Variants in RP1 observed in about 807,000 individuals in gnomAD.
RP1 encodes RP1 axonemal microtubule associated.
A neutral mutation model predicts 14.8 loss-of-function variants in RP1; 16 were observed. The observed-to-expected ratio is 1.08, with a 90% CI of 0.73 to 1.65. The LOEUF is 1.65. Among genes scored for constraint, RP1 ranks in the 40% most tolerant of loss-of-function variants. The probability of loss-of-function intolerance (pLI) is 0.00; values close to 1 mark genes in which losing one functional copy is unlikely to be tolerated. For synonymous variants in RP1, 876 were observed against 883.6 expected (o/e 0.99, Z 0.15); for missense variants, 2,631 against 2,535.0 (o/e 1.04, Z -0.81).
intron 17 of RP1, among the ~76,000 whole-genome samples, chr8:54,734,374 C>T (rs1351445122): frequency 1.3e-5 from 2 of 152,112 alleles, no homozygotes; most frequent in African/African-American, 4.8e-5. Context: ...CAGAACCTTG[C>T]TGTGAGGAGA....
At chr8:54,758,750 A>G (rs1809567523) in intron 21 of RP1, among the ~76,000 whole-genome samples, 1 of 152,200 alleles carries the variant, frequency 6.6e-6, no homozygotes, top group African/African-American at 2.4e-5. Context: ...GATAAAAAGT[A>G]ATTTGCTTAT....
At chr8:54,758,979 C>G in exon 22 of RP1, 1 of 1,535,800 alleles carries the variant, frequency 6.5e-7, no homozygotes. Context: ...GGTGCTGTTG[C>G]GCTGTGAGGC....
chr8:54,799,000 T>C (rs1810638510), intron 24 of RP1, among the ~76,000 whole-genome samples: 1 of 151,994 alleles, frequency 6.6e-6, no homozygotes, highest in African/African-American at 2.4e-5. Context: ...TCAGCTTTTT[T>C]GGATTTGCTT....
chr8:54,803,678 G>A (rs1317024883), intron 24 of RP1, among the ~76,000 whole-genome samples: 1 of 152,062 alleles, frequency 6.6e-6, no homozygotes, highest in Non-Finnish European at 1.5e-5. Flanking sequence ...AAACATGTAT[G>A]CTACAATTTA....
At chr8:54,830,651 T>C (rs781649352) in intron 24 of RP1, among the ~76,000 whole-genome samples, 7 of 152,166 alleles carry the variant, frequency 4.6e-5, no homozygotes, top group Non-Finnish European at 1.0e-4. Flanking sequence ...TGATAATCTC[T>C]GCCATTTAAA....
exon 22 of RP1, chr8:54,758,973 C>G (rs967199803): frequency 6.5e-7 from 1 of 1,535,854 alleles, no homozygotes; most frequent in African/African-American, 1.4e-5. Context: ...GCAGAAGGTG[C>G]TGTTGCGCTG....
chr8:54,746,773 C>A (rs1809234006), intron 19 of RP1, among the ~76,000 whole-genome samples: 1 of 152,066 alleles, frequency 6.6e-6, no homozygotes, highest in South Asian at 2.1e-4. Context: ...GTTAAAAAAT[C>A]ACTTTTTCTC....
At chr8:54,812,404 G>T (rs1291974180) in intron 24 of RP1, among the ~76,000 whole-genome samples, 1 of 152,296 alleles carries the variant, frequency 6.6e-6, no homozygotes, top group Non-Finnish European at 1.5e-5. Context: ...GTCTCCTAAA[G>T]TGCTGGGATT....
intron 24 of RP1, among the ~76,000 whole-genome samples, chr8:54,815,997 C>A (rs560250071): frequency 6.6e-6 from 1 of 152,164 alleles, no homozygotes; most frequent in Non-Finnish European, 1.5e-5. Context: ...ACTTTCTGAG[C>A]CTTACAGATC....
intron 22 of RP1, among the ~76,000 whole-genome samples, chr8:54,764,262 A>T (rs942332540): frequency 3.9e-5 from 6 of 152,248 alleles, no homozygotes; most frequent in African/African-American, 1.2e-4. Flanking sequence ...GCCACACAGC[A>T]GGCCTACAGC....
intron 27 of RP1, among the ~76,000 whole-genome samples, chr8:54,864,798 C>T (rs1812423609): frequency 6.6e-6 from 1 of 152,156 alleles, no homozygotes; most frequent in Non-Finnish European, 1.5e-5. Context: ...GGTGATTCCC[C>T]TCCCTTACTC....
chr8:54,602,723 G>T (rs1268455502), intron 1 of RP1, among the ~76,000 whole-genome samples: 3 of 152,190 alleles, frequency 2.0e-5, no homozygotes, highest in African/African-American at 7.2e-5. Context: ...TTTAATGATT[G>T]CCATTCTAAC....
chr8:54,666,681 C>T (rs1307395984), intron 7 of RP1, among the ~76,000 whole-genome samples: 1 of 152,002 alleles, frequency 6.6e-6, no homozygotes, highest in Non-Finnish European at 1.5e-5. Context: ...GCCCTGACCC[C>T]GGGACAGCAG....
downstream of RP1, chr8:54,630,916 C>T (rs1464558232): frequency 2.8e-6 from 2 of 707,028 alleles, no homozygotes; most frequent in African/African-American, 3.9e-5. Flanking sequence ...TAGTGTTTTT[C>T]TAATAGACTA....
exon 4 of RP1, chr8:54,649,057 T>A (rs1453093408): frequency 6.5e-7 from 1 of 1,532,732 alleles, no homozygotes. Flanking sequence ...ATTTATATTA[T>A]TCTGTATGGA....
chr8:54,653,605 T>A (rs928901625), intron 5 of RP1, among the ~76,000 whole-genome samples: 8 of 152,164 alleles, frequency 5.3e-5, no homozygotes, highest in Non-Finnish European at 1.0e-4. Context: ...TTAAAAACAT[T>A]AAAAAATTCC....
intron 1 of RP1, among the ~76,000 whole-genome samples, chr8:54,571,749 G>A (rs943048089): frequency 2.6e-5 from 4 of 152,204 alleles, no homozygotes; most frequent in Admixed American, 2.6e-4. Context: ...AGGGCAGTGA[G>A]GGAGGATCTG....
chr8:54,652,012 T>TC (rs1332265035), intron 4 of RP1, among the ~76,000 whole-genome samples: 1 of 12,250 alleles, frequency 8.2e-5, no homozygotes, highest in Non-Finnish European at 6.7e-4. Flanking sequence ...TAATTTACAC[T>TC]TTTTTTTTTT....
intron 24 of RP1, among the ~76,000 whole-genome samples, chr8:54,805,798 C>T (rs946098080): frequency 1.3e-5 from 2 of 151,610 alleles, no homozygotes; most frequent in Admixed American, 1.3e-4. Flanking sequence ...ATTAGAGAAT[C>T]CAGCCATTAT....
Sources: allele counts gnomAD v4.1 joint callset (sites outside exome capture counted in the v4.1 genomes callset), GRCh38; gene constraint gnomAD v4.1.1; transcripts MANE v1.5; gene names NCBI Gene and HGNC (gene_info 2026-07-23, HGNC 2026-07-21).